Variants in SGCZ observed in about 807,000 individuals in gnomAD.
SGCZ encodes zeta-sarcoglycan.
Under a neutral mutation model 41.3 loss-of-function variants are expected in SGCZ, and 40 were observed. The ratio of observed to expected loss-of-function variants is 0.97; its 90% confidence interval spans 0.75 to 1.26. The LOEUF (loss-of-function observed/expected upper bound fraction) is 1.26. Among genes scored for constraint, SGCZ ranks in the 50% most tolerant of loss-of-function variants. The pLI, the probability that SGCZ is intolerant of heterozygous loss-of-function variation, is 0.00. For synonymous variants in SGCZ, 206 were observed against 137.5 expected (o/e 1.50, Z -3.49); for missense variants, 552 against 369.8 (o/e 1.49, Z -4.04).
intron 2 of SGCZ, among the ~76,000 whole-genome samples, chr8:14,488,395 C>T (rs1258243657): frequency 6.6e-6 from 1 of 151,696 alleles, no homozygotes; most frequent in African/African-American, 2.4e-5. Context: ...ATGGCCTTAA[C>T]TCCCCTCCAG....
At chr8:14,605,445 C>A (rs1396833926) in intron 1 of SGCZ, among the ~76,000 whole-genome samples, 2 of 152,042 alleles carry the variant, frequency 1.3e-5, no homozygotes, top group Non-Finnish European at 2.9e-5. Context: ...TAAAAATGTG[C>A]ATTTAAATTA....
chr8:14,910,784 A>G (rs1256477244), intron 1 of SGCZ, among the ~76,000 whole-genome samples: 1 of 152,018 alleles, frequency 6.6e-6, no homozygotes, highest in African/African-American at 2.4e-5. Flanking sequence ...TATGCCTCAT[A>G]ATACATTTAA....
intron 5 of SGCZ, among the ~76,000 whole-genome samples, chr8:14,157,972 G>A (rs1382146): frequency 0.98 from 149,462 of 152,260 alleles, 73,404 homozygotes; most frequent in East Asian, 1. Context: ...ACTTGAGGCC[G>A]GGAGTTTGAG....
chr8:15,145,200 T>C (rs940696903), intron 1 of SGCZ, among the ~76,000 whole-genome samples: 1 of 152,204 alleles, frequency 6.6e-6, no homozygotes, highest in East Asian at 1.9e-4. Context: ...AATTCAGCCA[T>C]GTTCATTATA....
In SGCZ at chr8:15,048,183, T is replaced by C. The variant is rs556936218; in HGVS notation, c.39+189402A>G. On this transcript the variant is annotated intron_variant, in intron 1 of 7. Transcript: ENST00000382080. ...TGAAAACCTGTCATTTGCAGCAACA[T>C]TGATAGAACTGTAAGTCATTATGTT... Among the ~76,000 whole-genome samples the C allele has an allele frequency of 5.9e-5, 9 of 152,110 alleles. No individual in the cohort carries two copies. In the South Asian group the frequency reaches 8.3e-4, roughly 14 times the overall value.
intron 1 of SGCZ, among the ~76,000 whole-genome samples, chr8:14,895,507 T>C (rs1194007572): frequency 6.6e-6 from 1 of 152,098 alleles, no homozygotes; most frequent in Non-Finnish European, 1.5e-5. Flanking sequence ...ATTAAAGCCT[T>C]ATTATAACAT....
At chr8:14,402,831 C>T (rs988599847) in intron 2 of SGCZ, among the ~76,000 whole-genome samples, 5 of 149,484 alleles carry the variant, frequency 3.3e-5, no homozygotes, top group South Asian at 2.1e-4. Flanking sequence ...TGAAGAAAGG[C>T]ATTGGTAGCT....
At chr8:14,960,735 A>T (rs752356732) in intron 1 of SGCZ, among the ~76,000 whole-genome samples, 1 of 152,042 alleles carries the variant, frequency 6.6e-6, no homozygotes, top group Non-Finnish European at 1.5e-5. Context: ...GAAATAGCCA[A>T]AGAAGCTTAT....
chr8:15,128,027 C>T (rs1199043121), intron 1 of SGCZ, among the ~76,000 whole-genome samples: 1 of 152,150 alleles, frequency 6.6e-6, no homozygotes, highest in Non-Finnish European at 1.5e-5. Flanking sequence ...TCATGATGTA[C>T]TATGCTATTA....
chr8:14,814,783 G>C (rs79634395), intron 1 of SGCZ, among the ~76,000 whole-genome samples: 8,139 of 151,910 alleles, frequency 0.054, 441 homozygotes, highest in African/African-American at 0.14. Context: ...CTTTTTTCTT[G>C]AGCAAGGTAT....
intron 1 of SGCZ, among the ~76,000 whole-genome samples, chr8:15,089,472 G>A (rs1443488692): frequency 6.6e-6 from 1 of 151,712 alleles, no homozygotes; most frequent in Non-Finnish European, 1.5e-5. Context: ...TTTTTTTAAT[G>A]AGACTTTCCA....
At chr8:14,657,302 G>A (rs1280335425) in intron 1 of SGCZ, among the ~76,000 whole-genome samples, 2 of 152,038 alleles carry the variant, frequency 1.3e-5, no homozygotes, top group Non-Finnish European at 2.9e-5. Context: ...TACACTGACA[G>A]TGAGAAAAGG....
chr8:14,355,525 T>C (rs1295704786), intron 2 of SGCZ, among the ~76,000 whole-genome samples: 1 of 152,044 alleles, frequency 6.6e-6, no homozygotes, highest in Admixed American at 6.6e-5. Flanking sequence ...ATTCACTTAA[T>C]CTGACTTAAC....
chr8:14,619,279 G>T (rs1806206546), intron 1 of SGCZ, among the ~76,000 whole-genome samples: 1 of 152,078 alleles, frequency 6.6e-6, no homozygotes, highest in African/African-American at 2.4e-5. Context: ...AGGTATTGAT[G>T]GGATGTATCT....
chr8:15,030,728 C>G (rs944143486), intron 1 of SGCZ, among the ~76,000 whole-genome samples: 1 of 152,096 alleles, frequency 6.6e-6, no homozygotes, highest in Non-Finnish European at 1.5e-5. Context: ...GGATAACTTA[C>G]TAACTCATGA....
chr8:14,854,814 G>T (rs139867657), intron 1 of SGCZ, among the ~76,000 whole-genome samples: 57 of 151,936 alleles, frequency 3.8e-4, no homozygotes, highest in African/African-American at 1.4e-3. Flanking sequence ...GTCTCCCAGG[G>T]CATATAAACC....
At chr8:14,856,667 A>G (rs773217066) in intron 1 of SGCZ, among the ~76,000 whole-genome samples, 7 of 152,182 alleles carry the variant, frequency 4.6e-5, no homozygotes, top group Admixed American at 3.3e-4. Context: ...TCCAATAGGA[A>G]ATAATTCACA....
intron 1 of SGCZ, among the ~76,000 whole-genome samples, chr8:14,722,189 C>T (rs1809908844): frequency 2.6e-5 from 4 of 152,058 alleles, no homozygotes; most frequent in East Asian, 1.9e-4. Flanking sequence ...TTTCTCTCTA[C>T]CTCTAGAATT....
intron 2 of SGCZ, among the ~76,000 whole-genome samples, chr8:14,466,025 AT>A (rs1801039598): frequency 6.6e-6 from 1 of 151,958 alleles, no homozygotes; most frequent in African/African-American, 2.4e-5. Flanking sequence ...ACTAGCTTTC[AT>A]AATTGCTCAC....
Sources: gnomAD v4.1 joint callset for allele counts (sites outside exome capture counted in the v4.1 genomes callset) on GRCh38, gnomAD v4.1.1 for gene constraint, MANE v1.5 for transcripts, NCBI Gene and HGNC (gene_info 2026-07-23, HGNC 2026-07-21) for gene names.